The following IGSF21 variants were observed in gnomAD, a reference collection of about 807,000 sequenced individuals.
IGSF21 encodes immunoglobulin superfamily member 21.
In IGSF21, 28 loss-of-function variants were observed where a neutral mutation model predicts 46.8. The observed-to-expected ratio is 0.60, with a 90% CI of 0.44 to 0.82. IGSF21 has a LOEUF of 0.82. Ranked by LOEUF, IGSF21 falls within the 40% of genes least tolerant of loss-of-function variation. The probability of loss-of-function intolerance (pLI) is 0.00; values close to 1 mark genes in which losing one functional copy is unlikely to be tolerated. For missense variants in IGSF21, 624 were observed against 665.5 expected (o/e 0.94, Z 0.69); for synonymous variants, 284 against 273.6 (o/e 1.04, Z -0.38).
chr1:18,307,854 T>A lies in IGSF21; in HGVS notation c.305+15867T>A, dbSNP rs542268961. 3.3e-5 allele frequency among the ~76,000 whole-genome samples: 5 copies of A among 152,330 alleles called. No homozygotes were observed. The East Asian group carries it at 9.6e-4, about 29-fold the overall frequency. On this transcript the variant is annotated intron_variant, in intron 3 of 9. Coordinates refer to ENST00000251296, the MANE Select transcript of IGSF21 (RefSeq NM_032880.5). Reference sequence around the variant, plus strand: ...TCAGGGTGCCTAAGCCAGCATCTCGTGCACAGTCCATGAAGTAAAGGAGGG... The same window carrying A: ...TCAGGGTGCCTAAGCCAGCATCTCGAGCACAGTCCATGAAGTAAAGGAGGG...
At chr1:18,291,807 A>G in intron 2 of IGSF21, 59 bp from the exon 3 acceptor site, 4 of 1,595,636 alleles carry the variant, frequency 2.5e-6, no homozygotes, top group Non-Finnish European at 3.4e-6. Flanking sequence ...GTCCTGGGGA[A>G]AGGGGTGACC....
chr1:18,235,486 A>G (rs576586672), intron 2 of IGSF21, among the ~76,000 whole-genome samples: 1 of 152,362 alleles, frequency 6.6e-6, no homozygotes, highest in South Asian at 2.1e-4. Context: ...AAGACATTTA[A>G]GCTGAGATCG....
rs1363964868 is a variant in IGSF21, at chr1:18,302,862, G to A, written c.305+10875G>A. Among the ~76,000 whole-genome samples, 9 of 152,290 alleles carry A rather than the reference G, an allele frequency of 5.9e-5. No individual in the cohort carries two copies. In the East Asian group the frequency reaches 1.5e-3, roughly 26 times the overall value. The stretch of plus-strand genomic sequence containing the variant: ...TGAGATGATCCCTGTTGCATCCACA[G>A]CTGCCACTGAGTTCTCTACCTACCT... On this transcript the variant is annotated intron_variant, in intron 3 of 9. Coordinates refer to ENST00000251296, the MANE Select transcript of IGSF21 (RefSeq NM_032880.5).
intron 1 of IGSF21, among the ~76,000 whole-genome samples, chr1:18,140,641 C>G (rs1570261110): frequency 1.3e-5 from 2 of 152,336 alleles, no homozygotes; most frequent in Middle Eastern, 3.4e-3. Flanking sequence ...TGCCTGGTTG[C>G]CTTCCCATTC....
intron 4 of IGSF21, among the ~76,000 whole-genome samples, chr1:18,350,204 T>C (rs2085937489): frequency 6.6e-6 from 1 of 152,198 alleles, no homozygotes; most frequent in African/African-American, 2.4e-5. Flanking sequence ...CCATTGGATA[T>C]GGGGAGCCCA....
At chr1:18,359,385 A>AG (rs1190667026) in intron 4 of IGSF21, among the ~76,000 whole-genome samples, 1 of 68,464 alleles carries the variant, frequency 1.5e-5, no homozygotes, top group East Asian at 4.4e-4. Context: ...AAAGAAAGAA[A>AG]GGAAGGAAGG....
intron 3 of IGSF21, among the ~76,000 whole-genome samples, chr1:18,295,426 G>A (rs2085303299): frequency 6.6e-6 from 1 of 152,202 alleles, no homozygotes; most frequent in South Asian, 2.1e-4. Flanking sequence ...TAGTCGGAGA[G>A]ACATGGCAAA....
intron 1 of IGSF21, among the ~76,000 whole-genome samples, chr1:18,187,559 A>G (rs1043884390): frequency 1.3e-5 from 2 of 152,182 alleles, no homozygotes; most frequent in South Asian, 4.1e-4. Context: ...TGAGAACAGT[A>G]TGGGGGAAAC....
intron 1 of IGSF21, among the ~76,000 whole-genome samples, chr1:18,193,975 A>C (rs2086983221): frequency 6.6e-6 from 1 of 152,222 alleles, no homozygotes; most frequent in Non-Finnish European, 1.5e-5. Flanking sequence ...AAAGGGTTGG[A>C]CTAGTCAGCC....
At chr1:18,305,491 T>TGGAC (rs2085413612) in intron 3 of IGSF21, among the ~76,000 whole-genome samples, 1 of 131,956 alleles carries the variant, frequency 7.6e-6, no homozygotes, top group Non-Finnish European at 1.6e-5. Flanking sequence ...GGATGGATGA[T>TGGAC]GGATGGATGG....
chr1:18,366,364 T>C (rs2086164639), intron 6 of IGSF21, among the ~76,000 whole-genome samples: 1 of 151,880 alleles, frequency 6.6e-6, no homozygotes, highest in African/African-American at 2.4e-5. Flanking sequence ...GAGGTCAAGA[T>C]TTTTCTAGTC....
At chr1:18,300,352 G>A (rs530870712) in intron 3 of IGSF21, among the ~76,000 whole-genome samples, 5 of 152,270 alleles carry the variant, frequency 3.3e-5, no homozygotes, top group Non-Finnish European at 5.9e-5. Flanking sequence ...TGCACACTGG[G>A]GTCAAAGAAT....
At chr1:18,262,703 C>T (rs1042500726) in intron 2 of IGSF21, among the ~76,000 whole-genome samples, 2 of 152,142 alleles carry the variant, frequency 1.3e-5, no homozygotes, top group African/African-American at 2.4e-5. Flanking sequence ...TGCTTGGATC[C>T]TCGTTGCCTT....
chr1:18,109,130 G>A lies in IGSF21; in HGVS notation c.70+932G>A, dbSNP rs1490223152. ...CTCCGCAGCCCCAGGGTCCGCGGCC[G>A]GCCTCCCACCCAGTGCCGCCGCGTA... On this transcript the variant is annotated intron_variant, in intron 1 of 9. Transcript: ENST00000251296. The surrounding 1 kb of genome is among the most constrained non-coding windows in gnomAD (Gnocchi z 4.8). 1.3e-5 allele frequency among the ~76,000 whole-genome samples: 2 copies of A among 151,958 alleles called. No individual in the cohort carries two copies. Among genetic ancestry groups the A allele is most frequent in the Non-Finnish European group, 2.9e-5 (2 of 67,974 alleles).
rs145523798 is a variant in IGSF21 at position 18,353,426 on chromosome 1, C to T, written c.425-8689C>T. ...TTGGAAAATACGTATTGAGCAAATC[C>T]TGGTGTGCCAGGCTCTTGGGTGCGG... is the stretch of plus-strand genomic sequence containing the variant. On this transcript the variant is annotated intron_variant, in intron 4 of 9. Transcript: ENST00000251296. Among the ~76,000 whole-genome samples, 360 of 152,162 alleles carry T rather than the reference C, an allele frequency of 2.4e-3. 2 individuals carry two copies. Among genetic ancestry groups the T allele is most frequent in the African/African-American group, 8.5e-3 (351 of 41,502 alleles).
intron 2 of IGSF21, among the ~76,000 whole-genome samples, chr1:18,247,000 A>C: frequency 6.6e-6 from 1 of 150,600 alleles, no homozygotes; most frequent in Non-Finnish European, 1.5e-5. Flanking sequence ...AAGAAAACTG[A>C]GGCGCAGAGA....
At chr1:18,292,184 G>T (rs2085274305) in intron 3 of IGSF21, among the ~76,000 whole-genome samples, 197 bp downstream of exon 3, 1 of 152,162 alleles carries the variant, frequency 6.6e-6, no homozygotes, top group Non-Finnish European at 1.5e-5. Context: ...GGCAGGAGAG[G>T]GCCAGGCCAC....
At chr1:18,318,115 A>G (rs1250877872) in intron 3 of IGSF21, among the ~76,000 whole-genome samples, 1 of 152,174 alleles carries the variant, frequency 6.6e-6, no homozygotes, top group African/African-American at 2.4e-5. Context: ...GTGACTATAG[A>G]TGGCTCTTCC....
intron 2 of IGSF21, among the ~76,000 whole-genome samples, chr1:18,259,918 G>A (rs2084930751): frequency 6.6e-6 from 1 of 152,202 alleles, no homozygotes; most frequent in African/African-American, 2.4e-5. Flanking sequence ...TGTGTGTGTG[G>A]TGACAGACAA....
Sources: gnomAD v4.1 joint callset for allele counts (sites outside exome capture counted in the v4.1 genomes callset) on GRCh38, gnomAD v4.1.1 for gene constraint, Gnocchi (gnomAD v3.1) non-coding constraint, MANE v1.5 for transcripts, NCBI Gene and HGNC (gene_info 2026-07-23, HGNC 2026-07-21) for gene names.